The following PTCSC3 variants were observed in gnomAD, a reference collection of about 807,000 sequenced individuals.
PTCSC3 encodes the protein papillary thyroid carcinoma susceptibility candidate 3.
At chr14:36,164,210 G>C (rs114311932) in intron 1 of PTCSC3, 1 of 152,132 alleles carries the variant, frequency 6.6e-6, no homozygotes, top group Non-Finnish European at 1.5e-5. Flanking sequence ...AATTTGCTAC[G>C]GACAGTTTCC....
intron 3 of PTCSC3, among the ~76,000 whole-genome samples, chr14:36,146,993 C>T (rs1881590444): frequency 6.6e-6 from 1 of 152,194 alleles, no homozygotes; most frequent in Non-Finnish European, 1.5e-5. Context: ...TATTGGCCCC[C>T]ACTCTCTTCT....
chr14:36,153,382 G>C (rs771040344), intron 3 of PTCSC3, among the ~76,000 whole-genome samples: 1 of 152,128 alleles, frequency 6.6e-6, no homozygotes, highest in African/African-American at 2.4e-5. Context: ...AGCCGTGAGG[G>C]AATCACAAAT....
chr14:36,156,703 G>A (rs899678554), intron 2 of PTCSC3, among the ~76,000 whole-genome samples: 1 of 152,072 alleles, frequency 6.6e-6, no homozygotes, highest in Non-Finnish European at 1.5e-5. Flanking sequence ...TGAGAATGAT[G>A]GTTTCCAGCT....
In PTCSC3 at chr14:36,141,953, A is replaced by G. The variant is rs115843572; in HGVS notation, n.323-5597T>C. Among the ~76,000 whole-genome samples the G allele has an allele frequency of 3.4e-3, 516 of 152,252 alleles. 2 individuals are homozygous for G. Among genetic ancestry groups the G allele is most frequent in the African/African-American group, 9.6e-3 (401 of 41,558 alleles). ...CAGGAATTTTTTTTCCACATAGACA[A>G]TCATGTCATATGTGAACAAAGACAG... On this transcript the variant is annotated intron_variant and non_coding_transcript_variant, in intron 3 of 3. Transcript: ENST00000556013.
chr14:36,157,329 T>A (rs186398787), intron 2 of PTCSC3, among the ~76,000 whole-genome samples: 1 of 152,244 alleles, frequency 6.6e-6, no homozygotes, highest in Admixed American at 6.5e-5. Flanking sequence ...ATTGAAAAAA[T>A]TTTCTCCCAT....
intron 3 of PTCSC3, among the ~76,000 whole-genome samples, chr14:36,147,643 A>G (rs1881610927): frequency 6.6e-6 from 1 of 151,872 alleles, no homozygotes; most frequent in Non-Finnish European, 1.5e-5. Flanking sequence ...TGATCGTCTG[A>G]AGCCTTCTTC....
At chr14:36,176,165 G>T (rs1198953056) in intron 1 of PTCSC3, 1 of 152,142 alleles carries the variant, frequency 6.6e-6, no homozygotes, top group Non-Finnish European at 1.5e-5. Context: ...GGCCAAAACA[G>T]TATACTAATG....
At chr14:36,156,708 C>T (rs1881835301) in intron 2 of PTCSC3, among the ~76,000 whole-genome samples, 1 of 152,108 alleles carries the variant, frequency 6.6e-6, no homozygotes, top group Non-Finnish European at 1.5e-5. Context: ...ATGATGGTTT[C>T]CAGCTTCATC....
chr14:36,170,346 A>C (rs1882169117), intron 1 of PTCSC3, among the ~76,000 whole-genome samples: 1 of 152,108 alleles, frequency 6.6e-6, no homozygotes, highest in Admixed American at 6.6e-5. Context: ...ATTCTGAACA[A>C]GAACTCCAAT....
At chr14:36,143,106 C>T (rs376852226) in intron 3 of PTCSC3, among the ~76,000 whole-genome samples, 2,552 of 148,186 alleles carry the variant, frequency 0.017, 84 homozygotes, top group Admixed American at 0.082. Context: ...TGAATAGTGC[C>T]GCAATAAACA....
chr14:36,155,220 G>A (rs1007734466), intron 2 of PTCSC3, among the ~76,000 whole-genome samples: 1 of 152,116 alleles, frequency 6.6e-6, no homozygotes, highest in African/African-American at 2.4e-5. Context: ...GTAGTTAAGT[G>A]ACTGATAATT....
intron 3 of PTCSC3, among the ~76,000 whole-genome samples, chr14:36,151,625 G>A (rs1179865089): frequency 6.6e-6 from 1 of 151,730 alleles, no homozygotes; most frequent in Non-Finnish European, 1.5e-5. Flanking sequence ...CTCTTTGGTG[G>A]GCTATACTCC....
At chr14:36,148,362 G>T (rs530757737) in intron 3 of PTCSC3, among the ~76,000 whole-genome samples, 3 of 152,288 alleles carry the variant, frequency 2.0e-5, no homozygotes, top group African/African-American at 7.2e-5. Flanking sequence ...ATATAATGTC[G>T]TGGTGCGCCG....
At chr14:36,139,031 G>A (rs999666379) in intron 3 of PTCSC3, among the ~76,000 whole-genome samples, 1 of 150,814 alleles carries the variant, frequency 6.6e-6, no homozygotes, top group Admixed American at 6.6e-5. Context: ...GGAGAATGGC[G>A]TGAACCCAGG....
chr14:36,157,061 C>T (rs1435698051), intron 2 of PTCSC3, among the ~76,000 whole-genome samples: 1 of 152,186 alleles, frequency 6.6e-6, no homozygotes, highest in Non-Finnish European at 1.5e-5. Context: ...TTCTCCACAT[C>T]CTCTCCAGCA....
chr14:36,139,126 A>T (rs868171908), intron 3 of PTCSC3, among the ~76,000 whole-genome samples: 21 of 150,658 alleles, frequency 1.4e-4, no homozygotes, highest in Middle Eastern at 3.4e-3. Context: ...AAATAAAAAA[A>T]AAAAAAAAAA....
At chr14:36,163,091 G>GA (rs34215649) in intron 1 of PTCSC3, among the ~76,000 whole-genome samples, 69,633 of 149,170 alleles carry the variant, frequency 0.47, 17,578 homozygotes, top group Non-Finnish European at 0.57. Flanking sequence ...TAAATTAAGT[G>GA]AAAAAAAAAA....
At chr14:36,152,278 A>C (rs990259982) in intron 3 of PTCSC3, among the ~76,000 whole-genome samples, 71 of 152,182 alleles carry the variant, frequency 4.7e-4, no homozygotes, top group Non-Finnish European at 9.3e-4. Flanking sequence ...ATAAAAAAAA[A>C]ACTTTTTTTC....
chr14:36,144,410 T>G (rs2139091150), intron 3 of PTCSC3, among the ~76,000 whole-genome samples: 1 of 134,406 alleles, frequency 7.4e-6, no homozygotes, highest in East Asian at 2.1e-4. Flanking sequence ...TATTTTATTC[T>G]CTTTGAAGCA....
Sources: allele counts gnomAD v4.1 joint callset (sites outside exome capture counted in the v4.1 genomes callset), GRCh38; gene constraint gnomAD v4.1.1; transcripts MANE v1.5; gene names NCBI Gene and HGNC (gene_info 2026-07-23, HGNC 2026-07-21).